TFCP2L1: variants seen among roughly 807,000 people sequenced by gnomAD.
TFCP2L1 encodes the protein transcription factor CP2 like 1.
TFCP2L1 carries 12 observed loss-of-function variants against 72.2 expected under a neutral mutation model. The ratio of observed to expected loss-of-function variants is 0.17; its 90% CI spans 0.11 to 0.27. The LOEUF is 0.27. Ranked by LOEUF, TFCP2L1 falls within the 10% of genes least tolerant of loss-of-function variation. The pLI, the probability that TFCP2L1 is intolerant of heterozygous loss-of-function variation, is 1.00. For synonymous variants in TFCP2L1, 260 were observed against 251.0 expected (o/e 1.04, Z -0.34); for missense variants, 488 against 624.6 (o/e 0.78, Z 2.33).
At chr2:121,236,168 G>T (rs1219630274) in intron 10 of TFCP2L1, among the ~76,000 whole-genome samples, 1 of 152,188 alleles carries the variant, frequency 6.6e-6, no homozygotes, top group African/African-American at 2.4e-5. Context: ...TGGGCGCTGG[G>T]GGGGCTTCAG....
chr2:121,246,975 G>C lies in TFCP2L1; in HGVS notation c.505-5C>G. ...TTCTGTGCTGATGCAGTGTACCTGG[G>C]AGGAGAAACGTTGGGCAGGTGGCAA... On this transcript the variant is annotated splice_polypyrimidine_tract_variant and splice_region_variant and intron_variant, in intron 5 of 14. Transcript: ENST00000263707. 1 of 1,614,086 alleles carries C rather than the reference G, an allele frequency of 6.2e-7. No individual in the cohort carries two copies. The highest frequency in any genetic ancestry group is 8.5e-7 in the Non-Finnish European group (1 of 1,179,974).
At chr2:121,268,746 G>A (rs770715509) in intron 2 of TFCP2L1, among the ~76,000 whole-genome samples, 3 of 150,930 alleles carry the variant, frequency 2.0e-5, no homozygotes, top group Non-Finnish European at 2.9e-5. Context: ...TGTTAGGAAA[G>A]GCTAATTAAT....
At chr2:121,276,709 A>C (rs1229869258) in intron 2 of TFCP2L1, among the ~76,000 whole-genome samples, 1 of 152,126 alleles carries the variant, frequency 6.6e-6, no homozygotes, top group East Asian at 1.9e-4. Context: ...AAAGGTAGGA[A>C]AAGTCAGGCA....
chr2:121,249,430 C>T (rs1020107643), intron 3 of TFCP2L1, 141 bp downstream of exon 3: 39 of 718,568 alleles, frequency 5.4e-5, no homozygotes, highest in African/African-American at 4.4e-4. Context: ...ACAGGGGCTG[C>T]GTCTCACCGT....
rs1405205645 is a variant in TFCP2L1, at chr2:121,224,487, AC to A, written c.1394-101del. 6 of 1,245,314 alleles carry A rather than the reference AC, an allele frequency of 4.8e-6. No homozygotes were observed. The African/African-American group carries it at 7.4e-5, about 15-fold the overall frequency. The allele number at this position is 1,245,314 out of a possible 1,614,324, so 77.1% of individuals were successfully genotyped here. ...GCACGCTGTTAGGGTATCAGCAAAGACCACCAAAATAGGGCTGCATACAGCA... is the reference window on the plus strand; with the variant it reads ...GCACGCTGTTAGGGTATCAGCAAAGACACCAAAATAGGGCTGCATACAGCA... On this transcript the variant is annotated intron_variant, in intron 14 of 14. Coordinates refer to ENST00000263707, the MANE Select transcript of TFCP2L1 (RefSeq NM_014553.3).
chr2:121,234,057 T>C (rs1482903364), intron 12 of TFCP2L1, 34 bp downstream of exon 12: 7 of 1,570,008 alleles, frequency 4.5e-6, no homozygotes, highest in Non-Finnish European at 6.1e-6. Flanking sequence ...CGGGACCCAA[T>C]GTGTGGGTCC....
At chr2:121,249,668 C>T (rs759823211) in intron 2 of TFCP2L1, 21 bp from the exon 3 acceptor site, 5 of 1,612,788 alleles carry the variant, frequency 3.1e-6, no homozygotes, top group Admixed American at 3.3e-5. Flanking sequence ...GTTAAAAGGA[C>T]ATTTTCCATT....
At chr2:121,258,361 T>C (rs535447632) in intron 2 of TFCP2L1, among the ~76,000 whole-genome samples, 2 of 152,184 alleles carry the variant, frequency 1.3e-5, no homozygotes, top group Admixed American at 1.3e-4. Context: ...AGCTGCCAGC[T>C]TAGGCGCTAA....
At chr2:121,237,086 C>T (rs1686264649) in intron 10 of TFCP2L1, among the ~76,000 whole-genome samples, 1 of 152,188 alleles carries the variant, frequency 6.6e-6, no homozygotes, top group South Asian at 2.1e-4. Context: ...ATGAACTCTA[C>T]TTGGTGACAA....
chr2:121,273,746 G>A (rs1175793217), intron 2 of TFCP2L1, among the ~76,000 whole-genome samples: 2 of 152,180 alleles, frequency 1.3e-5, no homozygotes, highest in African/African-American at 4.8e-5. Flanking sequence ...CAAGAATAAT[G>A]CAGTAACTAC....
chr2:121,232,440 G>A (rs890282235), intron 12 of TFCP2L1, among the ~76,000 whole-genome samples: 6 of 152,114 alleles, frequency 3.9e-5, no homozygotes, highest in Admixed American at 2.6e-4. Context: ...CACCCAGCCA[G>A]GCTGCCACTC....
chr2:121,235,289 G>A lies in TFCP2L1; in HGVS notation c.1026C>T (p.Ser342=), dbSNP rs17006248. ...SFSGADLLKM[S]RDDLVQICGP... ...CACAGATCTGGACCAAATCATCTCG[G>A]GACATCTTCAGCAAGTCAGCACCTA... Residue 342 remains serine (S), a synonymous_variant, in exon 11 of 15, where the codon TCC becomes TCT. Coordinates refer to ENST00000263707, the MANE Select transcript of TFCP2L1 (RefSeq NM_014553.3). The A allele has an allele frequency of 3.7e-3, 5,921 of 1,614,070 alleles. 197 individuals carry two copies. In the African/African-American group the frequency reaches 0.07, roughly 19 times the overall value.
At chr2:121,247,454 T>C (rs1049817152) in intron 5 of TFCP2L1, among the ~76,000 whole-genome samples, 3 of 152,010 alleles carry the variant, frequency 2.0e-5, no homozygotes, top group African/African-American at 4.8e-5. Flanking sequence ...TCGATATCAA[T>C]GTATTGTTAT....
intron 10 of TFCP2L1, 149 bp from the exon 11 acceptor site, chr2:121,235,460 C>G: frequency 1.4e-6 from 1 of 719,480 alleles, no homozygotes; most frequent in Admixed American, 2.4e-5. Flanking sequence ...GCAAAATGCT[C>G]AACAACATCA....
chr2:121,234,319 G>T, intron 11 of TFCP2L1, 125 bp from the exon 12 acceptor site: 1 of 869,702 alleles, frequency 1.1e-6, no homozygotes, highest in Non-Finnish European at 1.8e-6. Context: ...GTGGTGACGT[G>T]GAGTGCCTGT....
At chr2:121,233,447 G>A (rs750490600) in intron 12 of TFCP2L1, among the ~76,000 whole-genome samples, 1 of 152,182 alleles carries the variant, frequency 6.6e-6, no homozygotes, top group African/African-American at 2.4e-5. Flanking sequence ...TTACAGGCAT[G>A]AGCCACGGCG....
chr2:121,234,429 T>C (rs1480748064), intron 11 of TFCP2L1, among the ~76,000 whole-genome samples: 5 of 152,192 alleles, frequency 3.3e-5, no homozygotes, highest in Non-Finnish European at 7.3e-5. Flanking sequence ...CAGGCAACAA[T>C]TAGAGCAAAC....
intron 14 of TFCP2L1, 116 bp from the exon 15 acceptor site, chr2:121,224,503 T>G (rs1685984389): frequency 2.1e-6 from 2 of 967,524 alleles, no homozygotes; most frequent in Admixed American, 4.1e-5. Flanking sequence ...AAAATAGGGC[T>G]GCATACAGCA....
At chr2:121,277,688 G>A (rs1217854380) in intron 2 of TFCP2L1, among the ~76,000 whole-genome samples, 1 of 152,188 alleles carries the variant, frequency 6.6e-6, no homozygotes, top group Non-Finnish European at 1.5e-5. Context: ...AATATACAAT[G>A]TAATACTATG....
Sources: gnomAD v4.1 joint callset for allele counts (sites outside exome capture counted in the v4.1 genomes callset) on GRCh38, gnomAD v4.1.1 for gene constraint, MANE v1.5 for transcripts, NCBI Gene and HGNC (gene_info 2026-07-23, HGNC 2026-07-21) for gene names.